Variants in PROKR2 observed in about 807,000 individuals in gnomAD.
PROKR2 encodes prokineticin receptor 2.
A neutral mutation model predicts 23.4 loss-of-function variants in PROKR2; 26 were observed. The observed-to-expected ratio is 1.11, with a 90% CI of 0.81 to 1.54. PROKR2 has a LOEUF of 1.54. Ranked by LOEUF, PROKR2 falls within the 40% of genes most tolerant of loss-of-function variation. PROKR2 has a pLI of 0.00. For missense variants in PROKR2, 453 were observed against 511.5 expected, an observed-to-expected ratio of 0.89 and a Z score of 1.10; for synonymous variants, 212 against 201.2, an observed-to-expected ratio of 1.05 and a Z score of -0.45.
At chr20:5,313,246 C>T (rs1328216879) in intron 2 of PROKR2, among the ~76,000 whole-genome samples, 1 of 152,184 alleles carries the variant, frequency 6.6e-6, no homozygotes, top group East Asian at 1.9e-4. Flanking sequence ...ATATCTCATG[C>T]AAATGTATGC....
chr20:5,309,602 T>G (rs375126508), intron 2 of PROKR2, among the ~76,000 whole-genome samples: 3 of 152,264 alleles, frequency 2.0e-5, no homozygotes, highest in East Asian at 1.9e-4. Flanking sequence ...ATTAGCAACC[T>G]TAATTCCATC....
chr20:5,306,599 A>G (rs1160808526), intron 2 of PROKR2, among the ~76,000 whole-genome samples: 1 of 152,240 alleles, frequency 6.6e-6, no homozygotes, highest in Non-Finnish European at 1.5e-5. Flanking sequence ...GACGCCCTAT[A>G]CTTCAGCTCA....
intron 2 of PROKR2, among the ~76,000 whole-genome samples, chr20:5,309,805 A>C (rs68025739): frequency 0.51 from 77,506 of 151,942 alleles, 20,063 homozygotes; most frequent in African/African-American, 0.61. Context: ...GTATTTCAAT[A>C]ACCCATGCCA....
intron 2 of PROKR2, among the ~76,000 whole-genome samples, chr20:5,307,696 G>T (rs1182727807): frequency 6.6e-6 from 1 of 152,192 alleles, no homozygotes; most frequent in Non-Finnish European, 1.5e-5. Flanking sequence ...ATGGTCAGAT[G>T]GTAGAAATGG....
chr20:5,316,413 G>C lies in PROKR2; in HGVS notation c.-9+81C>G, dbSNP rs1979677005. The C allele has an allele frequency of 2.2e-6, 1 of 455,266 alleles. No homozygotes were observed. 28.2% of individuals were successfully genotyped at this position (455,266 alleles called of 1,614,324 possible). On this transcript the variant is annotated intron_variant, in intron 1 of 2. Transcript: ENST00000678254. The surrounding 1 kb of genome is among the most constrained non-coding windows in gnomAD (Gnocchi z 5.0). Reference sequence around the variant, plus strand: ...AGCAGCCGGAATGCCCGAGAAAAAAGTGGGCGTCAGAGGCCCTTGTCCTAG... The same window carrying C: ...AGCAGCCGGAATGCCCGAGAAAAAACTGGGCGTCAGAGGCCCTTGTCCTAG...
intron 2 of PROKR2, among the ~76,000 whole-genome samples, chr20:5,304,285 T>G (rs1337866558): frequency 6.6e-6 from 1 of 152,188 alleles, no homozygotes; most frequent in Admixed American, 6.5e-5. Context: ...GGAAATATTA[T>G]AGCTACATTT....
chr20:5,308,942 C>T (rs974235766), intron 2 of PROKR2, among the ~76,000 whole-genome samples: 1 of 149,354 alleles, frequency 6.7e-6, no homozygotes, highest in African/African-American at 2.5e-5. Context: ...CAGCATGGCT[C>T]TCCCCAGCTT....
At chr20:5,303,799 T>C (rs759027073) in intron 2 of PROKR2, among the ~76,000 whole-genome samples, 8 of 152,096 alleles carry the variant, frequency 5.3e-5, no homozygotes, top group African/African-American at 1.9e-4. Flanking sequence ...GTGTACTTCA[T>C]ACCTGGAGCT....
Position 5,302,556 on chromosome 20 carries a change from A to G in PROKR2, c.639T>C (p.Pro213=). The change falls in exon 3 of 3, where the codon CCT becomes CCC. Residue 213 remains proline, a synonymous_variant. Coordinates refer to ENST00000678254, the MANE Select transcript of PROKR2 (RefSeq NM_144773.4). ...QEKIFCGQIW[P]VDQQLYYKSY... is the part of the protein sequence containing the mutation. The stretch of plus-strand genomic sequence containing the variant: ...ACTTGTAGTAGAGCTGCTGATCCAC[A>G]GGCCAGATCTGGCCACAGAAGATCT... The G allele has an allele frequency of 6.2e-7, 1 of 1,614,266 alleles. No homozygotes were observed. Among genetic ancestry groups the G allele is most frequent in the Non-Finnish European group, 8.5e-7 (1 of 1,180,044 alleles).
chr20:5,302,918 A>G (rs1477256895), intron 2 of PROKR2, among the ~76,000 whole-genome samples, 182 bp from the exon 3 acceptor site: 1 of 152,226 alleles, frequency 6.6e-6, no homozygotes, highest in East Asian at 1.9e-4. Flanking sequence ...TTTTAGTGAA[A>G]ACAGCACAGG....
At chr20:5,307,955 A>G (rs1445104444) in intron 2 of PROKR2, among the ~76,000 whole-genome samples, 2 of 152,266 alleles carry the variant, frequency 1.3e-5, no homozygotes, top group African/African-American at 4.8e-5. Context: ...CCTTAATGCC[A>G]GGAACTGGAG....
chr20:5,307,685 A>C (rs1979272027), intron 2 of PROKR2, among the ~76,000 whole-genome samples: 1 of 152,214 alleles, frequency 6.6e-6, no homozygotes, highest in African/African-American at 2.4e-5. Flanking sequence ...GTCTGAACAA[A>C]ATGGTCAGAT....
In PROKR2 at chr20:5,316,775, G is replaced by C. The variant is rs896012689; in HGVS notation, c.-290C>G. Reference sequence around the variant, plus strand: ...CCCGCCCCGCGCTGGACTCCGCCCCGGGGTCCCCGCCTGCCTCCTAGTCCA... The same window carrying C: ...CCCGCCCCGCGCTGGACTCCGCCCCCGGGTCCCCGCCTGCCTCCTAGTCCA... On this transcript the variant is annotated 5_prime_UTR_variant, in exon 1 of 3. Coordinates refer to ENST00000678254, the MANE Select transcript of PROKR2 (RefSeq NM_144773.4). This position sits in a 1 kb window ranked among gnomAD's most constrained non-coding sequence, Gnocchi z 5.0. Among the ~76,000 whole-genome samples, 2 of 152,176 alleles carry C rather than the reference G, an allele frequency of 1.3e-5. No individual in the cohort carries two copies. The highest frequency in any genetic ancestry group is 4.8e-5 in the African/African-American group (2 of 41,452).
At chr20:5,306,798 C>G (rs1289261657) in intron 2 of PROKR2, among the ~76,000 whole-genome samples, 1 of 152,146 alleles carries the variant, frequency 6.6e-6, no homozygotes, top group Admixed American at 6.5e-5. Context: ...CAGGACAGCC[C>G]ATACACAACT....
At chr20:5,315,505 G>T (rs141860274) in intron 1 of PROKR2, among the ~76,000 whole-genome samples, 1 of 152,314 alleles carries the variant, frequency 6.6e-6, no homozygotes, top group South Asian at 2.1e-4. Flanking sequence ...GTCCAGCTGT[G>T]AGTGGCCTTC....
rs530778221 is a variant in PROKR2 at position 5,314,816 on chromosome 20, G to A, written c.-8-439C>T. ...GCCCCCAACACATCAGCTCCCACAGGGGCTTCTGGAACATTTCCAAGGATG... is the reference window on the plus strand; with the variant it reads ...GCCCCCAACACATCAGCTCCCACAGAGGCTTCTGGAACATTTCCAAGGATG... On this transcript the variant is annotated intron_variant, in intron 1 of 2. Transcript: ENST00000678254. Among the ~76,000 whole-genome samples the A allele has an allele frequency of 7.9e-5, 12 of 152,298 alleles. No homozygotes were observed. The East Asian group carries it at 1.9e-3, about 24-fold the overall frequency.
At chr20:5,303,209 C>T (rs926713407) in intron 2 of PROKR2, among the ~76,000 whole-genome samples, 1 of 152,160 alleles carries the variant, frequency 6.6e-6, no homozygotes, top group East Asian at 1.9e-4. Flanking sequence ...CAAGAACATA[C>T]AATACTCTCA....
intron 1 of PROKR2, among the ~76,000 whole-genome samples, chr20:5,315,014 A>G (rs1319316521): frequency 6.6e-6 from 1 of 152,206 alleles, no homozygotes; most frequent in Non-Finnish European, 1.5e-5. Flanking sequence ...TCACTTTCAC[A>G]TGGACAGACT....
chr20:5,304,875 T>C (rs916222616), intron 2 of PROKR2, among the ~76,000 whole-genome samples: 1 of 152,132 alleles, frequency 6.6e-6, no homozygotes, highest in Non-Finnish European at 1.5e-5. Flanking sequence ...GGAAAGCACA[T>C]TTAGTTGATT....
Sources: allele counts gnomAD v4.1 joint callset (sites outside exome capture counted in the v4.1 genomes callset), GRCh38; gene constraint gnomAD v4.1.1; non-coding constraint Gnocchi (gnomAD v3.1); transcripts MANE v1.5; gene names NCBI Gene and HGNC (gene_info 2026-07-23, HGNC 2026-07-21).